RERG: variants seen among roughly 807,000 people sequenced by gnomAD.
The protein encoded by RERG is ras-related and estrogen-regulated growth inhibitor.
A neutral mutation model predicts 23.2 loss-of-function variants in RERG; 25 were observed. That is an observed-to-expected ratio of 1.08 (90% CI 0.79 to 1.50). RERG has a LOEUF of 1.50. RERG is among the 40% of genes most tolerant of loss of function. The probability of loss-of-function intolerance (pLI) is 0.00; values close to 1 mark genes in which losing one functional copy is unlikely to be tolerated. For missense variants in RERG, 253 were observed against 250.1 expected, an observed-to-expected ratio of 1.01 and a Z score of -0.08; for synonymous variants, 81 against 89.1, an observed-to-expected ratio of 0.91 and a Z score of 0.51.
At chr12:15,203,102 C>T (rs1191522875) in intron 2 of RERG, among the ~76,000 whole-genome samples, 1 of 151,666 alleles carries the variant, frequency 6.6e-6, no homozygotes, top group East Asian at 1.9e-4. Flanking sequence ...CTGGCCATAT[C>T]TATGTCTTCT....
chr12:15,201,369 C>G (rs537252354), intron 2 of RERG, among the ~76,000 whole-genome samples: 49 of 151,900 alleles, frequency 3.2e-4, no homozygotes, highest in Non-Finnish European at 5.8e-4. Context: ...AATCCCATCA[C>G]TGCCTGTAAG....
chr12:15,195,427 C>T (rs1865129691), intron 2 of RERG, among the ~76,000 whole-genome samples: 1 of 152,076 alleles, frequency 6.6e-6, no homozygotes. Context: ...TGCTTTCTTG[C>T]CCACTCATTT....
intron 2 of RERG, among the ~76,000 whole-genome samples, chr12:15,159,167 C>A (rs1864567637): frequency 6.6e-6 from 1 of 152,136 alleles, no homozygotes; most frequent in South Asian, 2.1e-4. Context: ...TTTATATCAA[C>A]AGGGAACCAT....
chr12:15,121,384 AAAAC>A (rs897821734), intron 2 of RERG, among the ~76,000 whole-genome samples: 2 of 152,226 alleles, frequency 1.3e-5, no homozygotes, highest in African/African-American at 4.8e-5. Context: ...GGTTAAAAAC[AAAAC>A]AAACAAAAGT....
At chr12:15,137,905 T>C in intron 2 of RERG, 2 of 445,328 alleles carry the variant, frequency 4.5e-6, no homozygotes, top group South Asian at 3.2e-5. Context: ...ATCATTCTCC[T>C]TCTCTGAAGA....
At chr12:15,123,408 T>C (rs1458912516) in intron 2 of RERG, among the ~76,000 whole-genome samples, 1 of 150,948 alleles carries the variant, frequency 6.6e-6, no homozygotes, top group Non-Finnish European at 1.5e-5. Context: ...GCAAAAGAAC[T>C]CTAGAGTGCT....
chr12:15,122,788 GT>G (rs894900450), intron 2 of RERG, among the ~76,000 whole-genome samples: 28 of 140,760 alleles, frequency 2.0e-4, no homozygotes, highest in African/African-American at 4.1e-4. Flanking sequence ...CTACGTAGTT[GT>G]TTTTTTTTTT....
At chr12:15,203,768 A>G (rs1316185215) in intron 2 of RERG, among the ~76,000 whole-genome samples, 1 of 151,698 alleles carries the variant, frequency 6.6e-6, no homozygotes, top group Non-Finnish European at 1.5e-5. Flanking sequence ...TTGCACATAT[A>G]CTAAACAAAT....
At chr12:15,131,521 G>T (rs547157211) in intron 2 of RERG, among the ~76,000 whole-genome samples, 199 of 152,250 alleles carry the variant, frequency 1.3e-3, no homozygotes, top group Non-Finnish European at 2.6e-3. Context: ...AAATACTTAT[G>T]ATGTTAATGC....
intron 2 of RERG, among the ~76,000 whole-genome samples, chr12:15,189,081 T>C (rs761049295): frequency 5.9e-5 from 9 of 152,234 alleles, no homozygotes; most frequent in Non-Finnish European, 1.0e-4. Context: ...GCCTCCTAAC[T>C]GGTTTCTAGG....
At chr12:15,117,828 T>G (rs555621137) in intron 3 of RERG, among the ~76,000 whole-genome samples, 1 of 152,042 alleles carries the variant, frequency 6.6e-6, no homozygotes, top group East Asian at 1.9e-4. Context: ...ATTCAGAACA[T>G]GGATCCTGTT....
At chr12:15,198,700 T>C (rs1461482713) in intron 2 of RERG, among the ~76,000 whole-genome samples, 2 of 152,134 alleles carry the variant, frequency 1.3e-5, no homozygotes, top group Non-Finnish European at 2.9e-5. Flanking sequence ...TGAAACAGGT[T>C]CCATTTTCCT....
intron 2 of RERG, among the ~76,000 whole-genome samples, chr12:15,130,048 G>T (rs1428035558): frequency 1.3e-5 from 2 of 152,158 alleles, no homozygotes; most frequent in African/African-American, 4.8e-5. Flanking sequence ...TGAACATGTT[G>T]AACATAAGAC....
intron 2 of RERG, among the ~76,000 whole-genome samples, chr12:15,200,783 T>C (rs1157031667): frequency 2.0e-5 from 3 of 152,010 alleles, no homozygotes; most frequent in Non-Finnish European, 4.4e-5. Context: ...AATGTTGACA[T>C]GTTAGGACTT....
intron 2 of RERG, among the ~76,000 whole-genome samples, chr12:15,181,857 A>G (rs1317559855): frequency 1.3e-5 from 2 of 152,274 alleles, no homozygotes; most frequent in African/African-American, 4.8e-5. Context: ...CCTGCAGGGC[A>G]TTGCAAAGGT....
intron 2 of RERG, among the ~76,000 whole-genome samples, chr12:15,123,397 G>A (rs934599704): frequency 1.3e-5 from 2 of 151,124 alleles, no homozygotes; most frequent in Non-Finnish European, 2.9e-5. Flanking sequence ...GAGTGGAAGA[G>A]GCAAAAGAAC....
intron 2 of RERG, among the ~76,000 whole-genome samples, chr12:15,213,478 T>A (rs562769398): frequency 6.6e-6 from 1 of 152,344 alleles, no homozygotes; most frequent in South Asian, 2.1e-4. Context: ...TGGGAAATCA[T>A]GACCCTACAC....
chr12:15,200,394 G>A (rs1865199616), intron 2 of RERG, among the ~76,000 whole-genome samples: 1 of 151,998 alleles, frequency 6.6e-6, no homozygotes, highest in South Asian at 2.1e-4. Flanking sequence ...ATGTAATTCT[G>A]AATAATCAGT....
At chr12:15,127,010 G>A (rs1238855254) in intron 2 of RERG, among the ~76,000 whole-genome samples, 1 of 151,960 alleles carries the variant, frequency 6.6e-6, no homozygotes, top group Non-Finnish European at 1.5e-5. Flanking sequence ...GAGCCACCGC[G>A]CCCGGCCCAG....
Sources: gnomAD v4.1 joint callset for allele counts (sites outside exome capture counted in the v4.1 genomes callset) on GRCh38, gnomAD v4.1.1 for gene constraint, MANE v1.5 for transcripts, NCBI Gene and HGNC (gene_info 2026-07-23, HGNC 2026-07-21) for gene names.